FAM169A: variants seen among roughly 807,000 people sequenced by gnomAD.
The protein encoded by FAM169A is family with sequence similarity 169 member A, also known as soluble lamin-associated protein of 75 kDa.
FAM169A carries 24 observed loss-of-function variants against 75.7 expected under a neutral mutation model. The ratio of observed to expected loss-of-function variants is 0.32; its 90% CI spans 0.23 to 0.45. FAM169A has a LOEUF of 0.45. FAM169A is among the 20% of genes least tolerant of loss of function. FAM169A has a pLI of 1.00. For missense variants in FAM169A, 673 were observed against 784.0 expected (o/e 0.86, Z 1.69); for synonymous variants, 271 against 271.0 (o/e 1.00, Z 0.00).
At chr5:74,805,119 T>C (rs748545677) in intron 7 of FAM169A, 37 bp downstream of exon 7, 4 of 1,598,030 alleles carry the variant, frequency 2.5e-6, no homozygotes, top group South Asian at 2.2e-5. Flanking sequence ...CAAAAATAAA[T>C]AAACTGAACT....
chr5:74,851,048 TAAG>T (rs140519024), intron 1 of FAM169A, among the ~76,000 whole-genome samples: 22,191 of 152,216 alleles, frequency 0.15, 1,853 homozygotes, highest in African/African-American at 0.23. Flanking sequence ...CCTGAATGGC[TAAG>T]AATACAGGCA....
intron 1 of FAM169A, among the ~76,000 whole-genome samples, chr5:74,852,072 C>T (rs557123252): frequency 2.0e-5 from 3 of 152,228 alleles, no homozygotes; most frequent in African/African-American, 7.2e-5. Context: ...ACAACAAAAG[C>T]AAAAAGAAAC....
chr5:74,835,200 T>C (rs1484735138), intron 4 of FAM169A, among the ~76,000 whole-genome samples: 1 of 151,974 alleles, frequency 6.6e-6, no homozygotes, highest in Non-Finnish European at 1.5e-5. Flanking sequence ...AAAACATACT[T>C]AGGGCAGTAA....
chr5:74,837,747 A>G (rs1433166003), intron 4 of FAM169A, among the ~76,000 whole-genome samples: 8 of 152,146 alleles, frequency 5.3e-5, no homozygotes, highest in Admixed American at 5.2e-4. Context: ...GAATCTGACA[A>G]GTTTTTACAG....
intron 6 of FAM169A, among the ~76,000 whole-genome samples, chr5:74,813,025 T>C (rs1028526265): frequency 2.6e-5 from 4 of 152,180 alleles, no homozygotes; most frequent in Non-Finnish European, 5.9e-5. Flanking sequence ...ACAACAAGAA[T>C]GAACCTTAAA....
intron 11 of FAM169A, among the ~76,000 whole-genome samples, chr5:74,794,322 A>G (rs554551721): frequency 6.6e-6 from 1 of 151,292 alleles, no homozygotes; most frequent in South Asian, 2.1e-4. Context: ...TGAACCCAGG[A>G]GGCGGAGCTT....
At chr5:74,800,026 C>G in intron 10 of FAM169A, 1 of 761,444 alleles carries the variant, frequency 1.3e-6, no homozygotes, top group South Asian at 1.4e-5. Flanking sequence ...AAATATTGCA[C>G]TACTGGCATC....
chr5:74,854,984 G>C (rs753539801), intron 1 of FAM169A, among the ~76,000 whole-genome samples: 1 of 152,102 alleles, frequency 6.6e-6, no homozygotes, highest in Non-Finnish European at 1.5e-5. Context: ...CAAGCAGTGG[G>C]ATTGCTGGAT....
Position 74,782,875 on chromosome 5 carries a change from G to A in FAM169A, c.1464+56C>T, listed in dbSNP as rs773700126. On this transcript the variant is annotated intron_variant, in intron 12 of 12. Coordinates refer to ENST00000687041, the MANE Select transcript of FAM169A (RefSeq NM_001376049.1). ...AATATATATACCATGCACCCTCCTCGCTAATGTCACCAACATTGGTAAACT... is the reference window on the plus strand; with the variant it reads ...AATATATATACCATGCACCCTCCTCACTAATGTCACCAACATTGGTAAACT... 7.1e-5 allele frequency: 95 copies of A among 1,347,054 alleles called. No homozygotes were observed. The Middle Eastern group carries it at 7.3e-4, about 10-fold the overall frequency. The allele number at this position is 1,347,054 out of a possible 1,614,324, so 83.4% of individuals were successfully genotyped here.
chr5:74,807,319 T>C (rs1746940584), intron 6 of FAM169A, among the ~76,000 whole-genome samples: 4 of 152,198 alleles, frequency 2.6e-5, no homozygotes, highest in Admixed American at 2.6e-4. Flanking sequence ...TATGATAAAC[T>C]GTTGAATATT....
At chr5:74,825,236 C>T (rs1330530108) in intron 5 of FAM169A, among the ~76,000 whole-genome samples, 2 of 152,090 alleles carry the variant, frequency 1.3e-5, no homozygotes, top group East Asian at 1.9e-4. Flanking sequence ...CTTAAATCAA[C>T]GTCCCAGAGC....
intron 8 of FAM169A, among the ~76,000 whole-genome samples, chr5:74,803,490 C>T (rs1219158626): frequency 6.6e-6 from 1 of 152,126 alleles, no homozygotes. Flanking sequence ...AAATAATTCC[C>T]TAAAGCAGTT....
chr5:74,808,086 G>A (rs1746979680), intron 6 of FAM169A, among the ~76,000 whole-genome samples: 1 of 152,106 alleles, frequency 6.6e-6, no homozygotes, highest in Non-Finnish European at 1.5e-5. Flanking sequence ...ATGAAACACA[G>A]AATTACCGTA....
At chr5:74,840,622 G>A (rs1391242529) in intron 2 of FAM169A, among the ~76,000 whole-genome samples, 1 of 151,030 alleles carries the variant, frequency 6.6e-6, no homozygotes, top group African/African-American at 2.4e-5. Context: ...AAGGTCAGGA[G>A]ATCGAGACCA....
At position 74,799,893 on chromosome 5, in the gene FAM169A, G is replaced by T. The variant is rs16878945; in HGVS notation, c.1103+987C>A. On this transcript the variant is annotated intron_variant, in intron 10 of 12. Coordinates refer to ENST00000687041, the MANE Select transcript of FAM169A (RefSeq NM_001376049.1). ...CATCCAACGCAACATGTCTGCCATG[G>T]AATGCTTCTGCAACACGGACAAGAG... 3.5e-3 allele frequency: 3,420 copies of T among 964,318 alleles called. 77 individuals carry two copies. In the African/African-American group the frequency reaches 0.046, roughly 13 times the overall value. 59.7% of individuals were successfully genotyped at this position (964,318 alleles called of 1,614,324 possible). A position where few individuals can be genotyped will look rare whatever the true frequency, so the allele number is the denominator to read the frequency against.
chr5:74,794,605 C>T (rs1485912803), intron 11 of FAM169A, among the ~76,000 whole-genome samples: 2 of 151,238 alleles, frequency 1.3e-5, no homozygotes, highest in African/African-American at 4.9e-5. Flanking sequence ...GGTGAAACCC[C>T]GTCTCTACAA....
intron 6 of FAM169A, among the ~76,000 whole-genome samples, chr5:74,812,665 A>C (rs894774149): frequency 6.6e-6 from 1 of 152,124 alleles, no homozygotes; most frequent in Admixed American, 6.5e-5. Flanking sequence ...AAAATGGTCA[A>C]AGGATCTGAA....
At chr5:74,785,919 T>C (rs1745673688) in intron 11 of FAM169A, among the ~76,000 whole-genome samples, 1 of 152,188 alleles carries the variant, frequency 6.6e-6, no homozygotes, top group Admixed American at 6.5e-5. Flanking sequence ...CTTGATTGGA[T>C]TGAAGGATGC....
intron 5 of FAM169A, among the ~76,000 whole-genome samples, chr5:74,814,859 A>G (rs1747387722): frequency 6.6e-6 from 1 of 152,200 alleles, no homozygotes; most frequent in African/African-American, 2.4e-5. Context: ...TTTAGAATTC[A>G]TAGTTATCAG....
Sources: gnomAD v4.1 joint callset for allele counts (sites outside exome capture counted in the v4.1 genomes callset) on GRCh38, gnomAD v4.1.1 for gene constraint, MANE v1.5 for transcripts, NCBI Gene and HGNC (gene_info 2026-07-23, HGNC 2026-07-21) for gene names.